The following CHM variants were observed in gnomAD, a reference collection of about 807,000 sequenced individuals.
The protein encoded by CHM is CHM Rab escort protein, also known as rab proteins geranylgeranyltransferase component A 1.
CHM carries 10 observed loss-of-function variants against 49.0 expected under a neutral mutation model. The observed-to-expected ratio is 0.20, with a 90% CI of 0.13 to 0.35. The LOEUF (loss-of-function observed/expected upper bound fraction) is 0.35, where lower values mean the gene tolerates loss of function less well. Among genes scored for constraint, CHM ranks in the 10% least tolerant of loss-of-function variants. CHM has a pLI of 1.00. For synonymous variants in CHM, 184 were observed against 167.5 expected, an observed-to-expected ratio of 1.10 and a Z score of -0.76; for missense variants, 455 against 478.4, an observed-to-expected ratio of 0.95 and a Z score of 0.46.
chrX:86,042,706 T>C (rs1330886987), intron 1 of CHM, among the ~76,000 whole-genome samples: 2 of 109,379 alleles, frequency 1.8e-5, no homozygotes, highest in African/African-American at 6.7e-5. Flanking sequence ...GTCTGTAATC[T>C]CAGCTACTCA....
At chrX:85,950,614 A>T (rs867653963) in intron 8 of CHM, among the ~76,000 whole-genome samples, 4,573 of 111,231 alleles carry the variant, frequency 0.041, 250 homozygotes, top group African/African-American at 0.14. Flanking sequence ...AAAGGCGAGA[A>T]GAGAAAAGGA....
At chrX:86,018,115 G>A (rs1933385483) in intron 2 of CHM, among the ~76,000 whole-genome samples, 1 of 111,964 alleles carries the variant, frequency 8.9e-6, no homozygotes, top group African/African-American at 3.2e-5. Context: ...AATTAAATTG[G>A]AAACCATTTA....
intron 2 of CHM, among the ~76,000 whole-genome samples, chrX:86,020,566 CA>C (rs1933492802): frequency 1.9e-5 from 2 of 105,206 alleles, no homozygotes; most frequent in South Asian, 8.0e-4. Context: ...ATACATATTA[CA>C]AATATATATT....
At chrX:85,894,043 T>C (rs1364319830) in intron 12 of CHM, 145 bp downstream of exon 12, 10 of 463,063 alleles carry the variant, frequency 2.2e-5, no homozygotes, top group Non-Finnish European at 3.7e-5. Flanking sequence ...TGACTTACTC[T>C]ATAACCATCT....
Position 85,900,580 on chromosome X carries a change from G to GTA in CHM, c.1413+64_1413+65dup, listed in dbSNP as rs1194628610. ...TTGAGTGTAGTGATTAGTTCACCAT[G>GTA]TATATATATACCGAAACATCTTCAT... is the stretch of plus-strand genomic sequence containing the variant. On this transcript the variant is annotated intron_variant, in intron 11 of 14. Coordinates refer to ENST00000357749, the MANE Select transcript of CHM (RefSeq NM_000390.4). 8 of 658,084 alleles carry GTA rather than the reference G, an allele frequency of 1.2e-5. No homozygotes were observed. The East Asian group carries it at 1.4e-4, about 12-fold the overall frequency. The allele number at this position is 658,084 out of a possible 1,213,427, so 54.2% of individuals were successfully genotyped here.
At chrX:86,045,656 C>G (rs778905757) in intron 1 of CHM, among the ~76,000 whole-genome samples, 1 of 111,520 alleles carries the variant, frequency 9.0e-6, no homozygotes, top group Non-Finnish European at 1.9e-5. Context: ...CCATAACAGA[C>G]TCCATCAGGA....
chrX:85,868,018 ACTGTGTGTGT>A (rs956733382), intron 14 of CHM, among the ~76,000 whole-genome samples: 1 of 87,154 alleles, frequency 1.1e-5, no homozygotes, highest in African/African-American at 4.0e-5. Context: ...AATAGTTACC[ACTGTGTGTGT>A]GTGTGTGTGT....
At chrX:86,007,147 C>T (rs1261135303) in intron 2 of CHM, among the ~76,000 whole-genome samples, 2 of 111,944 alleles carry the variant, frequency 1.8e-5, no homozygotes, top group East Asian at 2.8e-4. Context: ...CTGACAAAAA[C>T]AAGAAATGGG....
intron 9 of CHM, among the ~76,000 whole-genome samples, chrX:85,908,027 T>C (rs781397919): frequency 9.0e-6 from 1 of 111,436 alleles, no homozygotes; most frequent in East Asian, 2.8e-4. Flanking sequence ...TGACTCAAAG[T>C]ATAAGTAGTT....
intron 4 of CHM, chrX:85,970,207 A>T (rs2147688400): frequency 1.6e-6 from 1 of 621,474 alleles, no homozygotes; most frequent in Non-Finnish European, 1.9e-6. Flanking sequence ...ATGAATATAT[A>T]CAATTATTAT....
At chrX:86,012,396 G>A (rs1933114880) in intron 2 of CHM, among the ~76,000 whole-genome samples, 2 of 111,808 alleles carry the variant, frequency 1.8e-5, no homozygotes, top group Admixed American at 1.9e-4. Flanking sequence ...CCATTTGGAG[G>A]ATAAACTCCT....
intron 8 of CHM, among the ~76,000 whole-genome samples, chrX:85,911,557 C>T (rs766672518): frequency 9.2e-6 from 1 of 108,893 alleles, no homozygotes; most frequent in South Asian, 4.0e-4. Context: ...ACAATGCTGA[C>T]ACTTAGAACT....
At chrX:85,964,292 A>G (rs1406307826) in intron 4 of CHM, among the ~76,000 whole-genome samples, 2 of 111,290 alleles carry the variant, frequency 1.8e-5, no homozygotes. Flanking sequence ...TACCACAGTG[A>G]TGAAGAACAC....
intron 2 of CHM, among the ~76,000 whole-genome samples, chrX:85,990,469 C>T (rs899416214): frequency 4.5e-5 from 5 of 111,435 alleles, no homozygotes; most frequent in African/African-American, 1.6e-4. Flanking sequence ...TTCACATGTA[C>T]CTGCAGACAT....
intron 12 of CHM, among the ~76,000 whole-genome samples, chrX:85,887,016 C>G (rs1167716537): frequency 9.5e-6 from 1 of 105,655 alleles, no homozygotes; most frequent in Non-Finnish European, 1.9e-5. Context: ...TTATTGAGAA[C>G]AAGGCATAGT....
intron 2 of CHM, among the ~76,000 whole-genome samples, chrX:86,012,274 T>C (rs1030456923): frequency 9.0e-6 from 1 of 111,137 alleles, no homozygotes; most frequent in East Asian, 2.8e-4. Context: ...AAACATTATA[T>C]ATGAGGAAAG....
chrX:86,035,703 G>A (rs770630167), intron 1 of CHM, among the ~76,000 whole-genome samples: 1 of 109,786 alleles, frequency 9.1e-6, no homozygotes, highest in African/African-American at 3.3e-5. Context: ...AGAATGATAC[G>A]ATATTTAGGA....
In CHM at chrX:86,041,726, G is replaced by GTGTATA. The variant is rs1183232252; in HGVS notation, c.49+5757_49+5758insTATACA. Among the ~76,000 whole-genome samples the GTGTATA allele has an allele frequency of 3.5e-4, 29 of 83,720 alleles. No individual in the cohort carries two copies. In the Middle Eastern group the frequency reaches 0.018, roughly 53 times the overall value. The allele number at this position is 83,720 out of a possible 115,157, so 72.7% of individuals were successfully genotyped here. A position where few individuals can be genotyped will look rare whatever the true frequency, so the allele number is the denominator to read the frequency against. ...TATATGTTATATATATGGTGTGTGT[G>GTGTATA]TATATATATATATATATATATATAT... On this transcript the variant is annotated intron_variant, in intron 1 of 14. Coordinates refer to ENST00000357749, the MANE Select transcript of CHM (RefSeq NM_000390.4).
At chrX:85,974,727 TA>T (rs1012513077) in intron 4 of CHM, among the ~76,000 whole-genome samples, 4 of 108,970 alleles carry the variant, frequency 3.7e-5, no homozygotes, top group African/African-American at 1.3e-4. Flanking sequence ...ACGTACAACA[TA>T]AAACTATAAT....
Sources: gnomAD v4.1 joint callset for allele counts (sites outside exome capture counted in the v4.1 genomes callset) on GRCh38, gnomAD v4.1.1 for gene constraint, MANE v1.5 for transcripts, NCBI Gene and HGNC (gene_info 2026-07-23, HGNC 2026-07-21) for gene names.